The following MTUS2 variants were observed in gnomAD, a reference collection of about 807,000 sequenced individuals.
The protein encoded by MTUS2 is microtubule-associated tumor suppressor candidate 2.
MTUS2 carries 40 observed loss-of-function variants against 114.1 expected under a neutral mutation model. The observed-to-expected ratio is 0.35, with a 90% CI of 0.27 to 0.46. The LOEUF (loss-of-function observed/expected upper bound fraction) is 0.46, where lower values mean the gene tolerates loss of function less well. Ranked by LOEUF, MTUS2 falls within the 20% of genes least tolerant of loss-of-function variation. The pLI is 1.00. For synonymous variants in MTUS2, 688 were observed against 672.0 expected (o/e 1.02, Z -0.37); for missense variants, 1,679 against 1,705.4 (o/e 0.98, Z 0.27).
intron 2 of MTUS2, among the ~76,000 whole-genome samples, chr13:28,964,866 C>T (rs568215440): frequency 6.6e-6 from 1 of 151,536 alleles, no homozygotes; most frequent in Non-Finnish European, 1.5e-5. Context: ...TCTGCGTTCC[C>T]GAGCTCAACT....
At chr13:29,383,811 A>G (rs1247159679) in intron 8 of MTUS2, among the ~76,000 whole-genome samples, 2 of 152,228 alleles carry the variant, frequency 1.3e-5, no homozygotes, top group African/African-American at 2.4e-5. Context: ...GAGATGCAGC[A>G]TCTTCCAGTT....
At chr13:29,341,292 A>C (rs1382942574) in intron 7 of MTUS2, among the ~76,000 whole-genome samples, 1 of 152,156 alleles carries the variant, frequency 6.6e-6, no homozygotes, top group Non-Finnish European at 1.5e-5. Flanking sequence ...TTCCCTTTTC[A>C]CAACATCCCC....
At chr13:29,047,614 T>C (rs778915439) in intron 4 of MTUS2, among the ~76,000 whole-genome samples, 125 of 151,724 alleles carry the variant, frequency 8.2e-4, no homozygotes, top group Non-Finnish European at 1.5e-3. Context: ...CCCGGGTTCA[T>C]GCCATTCTCC....
intron 5 of MTUS2, among the ~76,000 whole-genome samples, chr13:29,228,136 CAT>C (rs1380180885): frequency 2.0e-5 from 3 of 152,196 alleles, no homozygotes; most frequent in African/African-American, 7.2e-5. Context: ...TTTATGACCA[CAT>C]GTCATGGCAA....
chr13:29,299,871 A>T (rs141839726), intron 6 of MTUS2, among the ~76,000 whole-genome samples: 2 of 152,300 alleles, frequency 1.3e-5, no homozygotes, highest in African/African-American at 4.8e-5. Flanking sequence ...GCATGAAAAA[A>T]AAAATTGCAC....
chr13:29,453,928 C>G (rs1878924636), intron 9 of MTUS2, among the ~76,000 whole-genome samples: 1 of 152,124 alleles, frequency 6.6e-6, no homozygotes, highest in South Asian at 2.1e-4. Context: ...TAGCCTGATT[C>G]ACTCAAAGAA....
intron 8 of MTUS2, among the ~76,000 whole-genome samples, chr13:29,391,406 A>G (rs1301108555): frequency 1.3e-5 from 2 of 152,202 alleles, no homozygotes; most frequent in Admixed American, 6.5e-5. Context: ...ACTGTAGTGG[A>G]TGTTCACCAT....
chr13:28,894,279 T>TGGA (rs1555270944), intron 2 of MTUS2, among the ~76,000 whole-genome samples: 1 of 17,400 alleles, frequency 5.7e-5, no homozygotes, highest in African/African-American at 5.0e-4. Flanking sequence ...GGAGAGTTGG[T>TGGA]GGGGGGGGGG....
intron 5 of MTUS2, among the ~76,000 whole-genome samples, chr13:29,231,500 G>T (rs990223519): frequency 6.6e-6 from 1 of 152,164 alleles, no homozygotes; most frequent in African/African-American, 2.4e-5. Context: ...TGTCCTGCAC[G>T]TTTTGCACTA....
chr13:28,992,408 A>T (rs942670483), intron 2 of MTUS2, among the ~76,000 whole-genome samples: 4 of 152,226 alleles, frequency 2.6e-5, no homozygotes, highest in Non-Finnish European at 4.4e-5. Flanking sequence ...GAGGAGGTGA[A>T]GGAGGGAACG....
At chr13:28,918,919 C>A (rs529053908) in intron 2 of MTUS2, among the ~76,000 whole-genome samples, 1 of 152,070 alleles carries the variant, frequency 6.6e-6, no homozygotes. Flanking sequence ...CAGCTTAACA[C>A]TGATTGCATA....
At chr13:28,835,732 G>A (rs1190513179) in intron 1 of MTUS2, among the ~76,000 whole-genome samples, 1 of 152,136 alleles carries the variant, frequency 6.6e-6, no homozygotes, top group East Asian at 1.9e-4. Context: ...CCCAAGGCAG[G>A]TGCTCTGCCT....
chr13:29,465,715 G>A (rs1879839860), intron 9 of MTUS2, among the ~76,000 whole-genome samples: 1 of 152,096 alleles, frequency 6.6e-6, no homozygotes, highest in Non-Finnish European at 1.5e-5. Flanking sequence ...GACCATCAGT[G>A]ACCTTGGCAA....
At chr13:28,859,556 A>C (rs764091547) in intron 2 of MTUS2, among the ~76,000 whole-genome samples, 23 of 152,224 alleles carry the variant, frequency 1.5e-4, no homozygotes, top group Non-Finnish European at 3.1e-4. Context: ...TCTAAGCTAC[A>C]GTAATGAAGG....
chr13:29,026,997 T>G (rs549707746), intron 3 of MTUS2, 94 bp downstream of exon 3: 1 of 1,267,880 alleles, frequency 7.9e-7, no homozygotes. Flanking sequence ...ATGTCCTCTT[T>G]AAGTGAATTA....
chr13:29,324,630 C>T lies in MTUS2; in HGVS notation c.2824C>T (p.Gln942Ter), dbSNP rs1900402435. 4.4e-6 allele frequency: 7 copies of T among 1,585,428 alleles called. No homozygotes were observed. The highest frequency in any genetic ancestry group is 6.0e-6 in the Non-Finnish European group (7 of 1,164,760). ...ATACACAGGAACAAAGAAAGATGCTCAGAAAGATCAAGATACGAATAAACC... is the reference window on the plus strand; with the variant it reads ...ATACACAGGAACAAAGAAAGATGCTTAGAAAGATCAAGATACGAATAAACC... ...STPAGTKKDA[Q>*]KDQDTNKPAV... Residue 942 changes from glutamine (Q) to a stop codon, truncating the protein, a stop_gained, in exon 7 of 16, where the codon CAG becomes TAG. Coordinates refer to ENST00000612955, the MANE Select transcript of MTUS2 (RefSeq NM_001033602.4). LOFTEE classifies it high-confidence loss of function.
At chr13:28,883,605 A>G (rs1432457214) in intron 2 of MTUS2, among the ~76,000 whole-genome samples, 1 of 152,214 alleles carries the variant, frequency 6.6e-6, no homozygotes, top group Non-Finnish European at 1.5e-5. Flanking sequence ...ACAAAATTAT[A>G]GAGATGGAGA....
chr13:29,011,328 C>T (rs1306943012), intron 2 of MTUS2, among the ~76,000 whole-genome samples: 2 of 152,188 alleles, frequency 1.3e-5, no homozygotes, highest in Non-Finnish European at 2.9e-5. Flanking sequence ...GAAGCCTAAA[C>T]GCCATCCTGA....
At chr13:28,901,303 A>G (rs1027653997) in intron 2 of MTUS2, among the ~76,000 whole-genome samples, 3 of 152,202 alleles carry the variant, frequency 2.0e-5, no homozygotes, top group African/African-American at 4.8e-5. Flanking sequence ...TTTTCTCCCA[A>G]TGCGTAGCTT....
Sources: allele counts gnomAD v4.1 joint callset (sites outside exome capture counted in the v4.1 genomes callset), GRCh38; gene constraint gnomAD v4.1.1; transcripts MANE v1.5; gene names NCBI Gene and HGNC (gene_info 2026-07-23, HGNC 2026-07-21).